SLC4A4: variants seen among roughly 807,000 people sequenced by gnomAD.
SLC4A4 encodes the protein solute carrier family 4 member 4.
Under a neutral mutation model 111.5 loss-of-function variants are expected in SLC4A4, and 27 were observed. The observed-to-expected ratio is 0.24, with a 90% confidence interval of 0.18 to 0.33. The LOEUF (loss-of-function observed/expected upper bound fraction) is 0.33, where lower values mean the gene tolerates loss of function less well. Among genes scored for constraint, SLC4A4 ranks in the 10% least tolerant of loss-of-function variants. SLC4A4 has a pLI of 1.00. For missense variants in SLC4A4, 909 were observed against 1,315.5 expected (o/e 0.69, Z 4.78); for synonymous variants, 443 against 463.4 (o/e 0.96, Z 0.57).
Position 71,339,248 on chromosome 4 carries a change from G to T in SLC4A4, c.254-122G>T, listed in dbSNP as rs778621236. The T allele has an allele frequency of 6.2e-6, 10 of 1,614,106 alleles. No individual in the cohort carries two copies. In the South Asian group the frequency reaches 6.6e-5, roughly 11 times the overall value. ...GGGATTTGGGAGGCTTAGCAGGAAA[G>T]ATGTCCACTGAAAATGTGGAAGGGA... is the stretch of plus-strand genomic sequence containing the variant. On this transcript the variant is annotated intron_variant, in intron 3 of 25. Coordinates refer to ENST00000264485, the MANE Select transcript of SLC4A4 (RefSeq NM_001098484.3).
At chr4:71,516,085 T>C (rs1423863426) in intron 16 of SLC4A4, among the ~76,000 whole-genome samples, 19 of 47,056 alleles carry the variant, frequency 4.0e-4, no homozygotes, top group Admixed American at 9.8e-4. Context: ...GATTTCTTTT[T>C]TTTTTTTTTT....
intron 3 of SLC4A4, among the ~76,000 whole-genome samples, chr4:71,259,729 A>G (rs960515652): frequency 6.6e-6 from 1 of 152,028 alleles, no homozygotes; most frequent in African/African-American, 2.4e-5. Context: ...GGCTTTGGAA[A>G]CACAGCATAC....
chr4:71,494,237 C>G (rs1038758594), intron 15 of SLC4A4, among the ~76,000 whole-genome samples: 1 of 152,090 alleles, frequency 6.6e-6, no homozygotes, highest in East Asian at 1.9e-4. Context: ...TTACACGCAT[C>G]GTAAGGAAAA....
At chr4:71,402,624 A>T (rs1007339943) in intron 7 of SLC4A4, among the ~76,000 whole-genome samples, 13 of 152,212 alleles carry the variant, frequency 8.5e-5, no homozygotes, top group African/African-American at 2.9e-4. Context: ...CTCCAGATGG[A>T]ATCACATCTG....
At chr4:71,503,657 A>T (rs1731141356) in intron 16 of SLC4A4, among the ~76,000 whole-genome samples, 1 of 152,120 alleles carries the variant, frequency 6.6e-6, no homozygotes, top group African/African-American at 2.4e-5. Flanking sequence ...TTAGTCACTA[A>T]TTATGGCTTT....
At chr4:71,217,878 G>A (rs563813608) in intron 1 of SLC4A4, among the ~76,000 whole-genome samples, 1 of 152,354 alleles carries the variant, frequency 6.6e-6, no homozygotes, top group East Asian at 1.9e-4. Flanking sequence ...GGTAGTGACA[G>A]TCTGACATGC....
chr4:71,483,226 A>G (rs1020625717), intron 14 of SLC4A4, among the ~76,000 whole-genome samples: 2 of 151,676 alleles, frequency 1.3e-5, no homozygotes, highest in Admixed American at 6.6e-5. Context: ...TTACATAGCT[A>G]TATGTGTGCC....
intron 12 of SLC4A4, among the ~76,000 whole-genome samples, chr4:71,464,360 A>G (rs1281267772): frequency 6.6e-6 from 1 of 152,150 alleles, no homozygotes; most frequent in Admixed American, 6.6e-5. Flanking sequence ...TTGTTGGCCT[A>G]GGATAACCTT....
intron 18 of SLC4A4, among the ~76,000 whole-genome samples, chr4:71,543,524 T>C (rs2149229427): frequency 6.6e-6 from 1 of 152,284 alleles, no homozygotes. Flanking sequence ...GTCCATCATC[T>C]AAAATCTTCA....
At chr4:71,143,048 G>T (rs1043187824) in intron 2 of SLC4A4, among the ~76,000 whole-genome samples, 2 of 151,900 alleles carry the variant, frequency 1.3e-5, no homozygotes, top group African/African-American at 4.8e-5. Flanking sequence ...GCTGCACCCA[G>T]TAACTCGTCA....
chr4:71,282,314 A>T (rs1723585405), intron 3 of SLC4A4, among the ~76,000 whole-genome samples: 2 of 149,868 alleles, frequency 1.3e-5, no homozygotes, highest in African/African-American at 2.5e-5. Flanking sequence ...TTTTTTTGAG[A>T]TGGAGTTTTG....
intron 22 of SLC4A4, among the ~76,000 whole-genome samples, chr4:71,559,430 C>G (rs10755174): frequency 6.6e-6 from 1 of 151,574 alleles, no homozygotes; most frequent in Non-Finnish European, 1.5e-5. Context: ...GGACAACATA[C>G]TTAATGTCTC....
At position 71,085,632 on chromosome 4, in the gene SLC4A4, A is replaced by G. The variant is rs564346434; in HGVS notation, c.-64-7098A>G. Among the ~76,000 whole-genome samples the G allele has an allele frequency of 3.7e-3, 560 of 152,200 alleles. 8 individuals carry two copies. Among genetic ancestry groups the G allele is most frequent in the African/African-American group, 0.013 (538 of 41,442 alleles). On this transcript the variant is annotated intron_variant, in intron 1 of 26. Coordinates refer to the SLC4A4 transcript ENST00000649996. ...TTCAGCTTTCTACATATGGCTAGCCAGTTTTTCCAGCACCATTTATTAAAT... is the reference window on the plus strand; with the variant it reads ...TTCAGCTTTCTACATATGGCTAGCCGGTTTTTCCAGCACCATTTATTAAAT...
At chr4:71,165,807 A>T (rs915617483) in intron 2 of SLC4A4, among the ~76,000 whole-genome samples, 10 of 152,150 alleles carry the variant, frequency 6.6e-5, no homozygotes, top group African/African-American at 2.2e-4. Flanking sequence ...CAAAATAAAA[A>T]TTTCTATATG....
chr4:71,528,786 A>T (rs1281388600), intron 16 of SLC4A4, among the ~76,000 whole-genome samples: 1 of 152,062 alleles, frequency 6.6e-6, no homozygotes, highest in Admixed American at 6.6e-5. Context: ...TATGGAAAAT[A>T]TCAAATGAAA....
intron 3 of SLC4A4, among the ~76,000 whole-genome samples, chr4:71,326,666 C>A (rs1233155098): frequency 6.6e-6 from 1 of 152,014 alleles, no homozygotes; most frequent in Non-Finnish European, 1.5e-5. Flanking sequence ...TAAAAAGCTG[C>A]CTCTTTGAAA....
intron 18 of SLC4A4, among the ~76,000 whole-genome samples, chr4:71,538,391 A>G (rs1161914579): frequency 6.6e-6 from 1 of 152,168 alleles, no homozygotes; most frequent in Non-Finnish European, 1.5e-5. Context: ...CACCTTCAGA[A>G]TTGCCACTTG....
rs189454801 is a variant in SLC4A4 at position 71,518,559 on chromosome 4, G to A, written c.2167-13503G>A. Among the ~76,000 whole-genome samples the A allele has an allele frequency of 4.3e-3, 658 of 152,212 alleles. 5 individuals are homozygous for A. The highest frequency in any genetic ancestry group is 6.8e-3 in the Middle Eastern group (2 of 294). On this transcript the variant is annotated intron_variant, in intron 16 of 25. Transcript: ENST00000264485. The stretch of plus-strand genomic sequence containing the variant: ...GGAGCCTGAGGCCACAGGGGCTGAT[G>A]TGATGCTGGACAGGCCTGGAGCCTG...
chr4:71,393,869 AC>A (rs1719541668), intron 6 of SLC4A4, among the ~76,000 whole-genome samples: 1 of 152,036 alleles, frequency 6.6e-6, no homozygotes, highest in Non-Finnish European at 1.5e-5. Context: ...AATACTTACA[AC>A]CAACTGATCT....
Sources: allele counts gnomAD v4.1 joint callset (sites outside exome capture counted in the v4.1 genomes callset), GRCh38; gene constraint gnomAD v4.1.1; transcripts MANE v1.5; gene names NCBI Gene and HGNC (gene_info 2026-07-23, HGNC 2026-07-21).